Variants in DMTN observed in about 807,000 individuals in gnomAD.
DMTN encodes the protein dematin.
In DMTN, 27 loss-of-function variants were observed where a neutral mutation model predicts 59.4. The observed-to-expected ratio is 0.45, with a 90% CI of 0.33 to 0.63. DMTN has a LOEUF of 0.63. DMTN is among the 20% of genes least tolerant of loss of function. The pLI is 0.02. For missense variants in DMTN, 451 were observed against 528.9 expected (o/e 0.85, Z 1.45); for synonymous variants, 221 against 203.7 (o/e 1.08, Z -0.72).
chr8:22,080,700 G>C, intron 13 of DMTN, 75 bp downstream of exon 13: 2 of 1,582,574 alleles, frequency 1.3e-6, no homozygotes, highest in Non-Finnish European at 1.7e-6. Flanking sequence ...CAGGGGAAGG[G>C]GGGTGTGGGG....
rs775039479 is a variant in DMTN at position 22,058,564 on chromosome 8, G to A, written c.-172+1428G>A. ...GCTGCACAGATGCGTCTCTGGGTGG[G>A]CTAGAGAGGCAGGAGGGGGCACCTG... On this transcript the variant is annotated intron_variant, in intron 1 of 15. Transcript: ENST00000358242. The surrounding 1 kb of genome is among the most constrained non-coding windows in gnomAD (Gnocchi z 4.3). 6.6e-6 allele frequency among the ~76,000 whole-genome samples: 1 copy of A among 152,216 alleles called. No homozygotes were observed. The highest frequency in any genetic ancestry group is 1.5e-5 in the Non-Finnish European group (1 of 68,020).
chr8:22,055,938 G>A (rs575453877), upstream of DMTN, among the ~76,000 whole-genome samples: 4 of 152,328 alleles, frequency 2.6e-5, no homozygotes, highest in Admixed American at 1.3e-4. Flanking sequence ...CCAGGGCAAC[G>A]GTGAGGGCTG....
chr8:22,051,635 G>C (rs538928369), upstream of DMTN, among the ~76,000 whole-genome samples: 79 of 152,192 alleles, frequency 5.2e-4, no homozygotes, highest in African/African-American at 1.9e-3. Context: ...CTCCCGCTCT[G>C]CTCTCTGTCT....
Position 22,081,094 on chromosome 8 carries a change from C to CGCGGG in DMTN, c.1024-19_1024-18insGCGGG. The CGCGGG allele has an allele frequency of 1.7e-6, 1 of 599,806 alleles. No individual in the cohort carries two copies. The highest frequency in any genetic ancestry group is 3.1e-6 in the Non-Finnish European group (1 of 323,074). The allele number at this position is 599,806 out of a possible 1,614,324, so 37.2% of individuals were successfully genotyped here. A position where few individuals can be genotyped will look rare whatever the true frequency, so the allele number is the denominator to read the frequency against. On this transcript the variant is annotated intron_variant, in intron 14 of 15. Transcript: ENST00000358242. ...AGGATATTCTGTGAGCCTAAGATTG[C>CGCGGG]CCCTCCCCCCACCCCCAGATCTATC...
chr8:22,064,013 C>G (rs1291994660), intron 1 of DMTN, among the ~76,000 whole-genome samples: 3 of 152,112 alleles, frequency 2.0e-5, no homozygotes, highest in Non-Finnish European at 4.4e-5. Context: ...TAAAACAATA[C>G]ATGACTAAGT....
chr8:22,050,921 G>A (rs1247082223), upstream of DMTN, among the ~76,000 whole-genome samples: 1 of 152,154 alleles, frequency 6.6e-6, no homozygotes, highest in East Asian at 1.9e-4. Context: ...CTGAACTGGT[G>A]GTGACTTCGA....
At chr8:22,069,354 G>C (rs2131016872) in intron 5 of DMTN, 65 bp from the exon 6 acceptor site, 1 of 1,377,268 alleles carries the variant, frequency 7.3e-7, no homozygotes, top group East Asian at 2.4e-5. Context: ...GGTGTGAGCT[G>C]ATGGGGTGCA....
At chr8:22,050,163 A>G (rs551206516), upstream of DMTN, among the ~76,000 whole-genome samples, 2 of 152,218 alleles carry the variant, frequency 1.3e-5, no homozygotes, top group South Asian at 4.1e-4. Flanking sequence ...GTTTTCTGGG[A>G]TGTGTGTCGG....
chr8:22,068,957 T>C (rs1812950423), intron 4 of DMTN, 59 bp from the exon 5 acceptor site: 1 of 1,586,820 alleles, frequency 6.3e-7, no homozygotes, highest in Non-Finnish European at 8.6e-7. Context: ...TCTCTGGAAT[T>C]CTAGGGAAGA....
At chr8:22,048,947 G>C (rs1303137929), upstream of DMTN, 1 of 146,268 alleles carries the variant, frequency 6.8e-6, no homozygotes, top group Non-Finnish European at 1.5e-5. The surrounding 1 kb of genome is among the most constrained non-coding windows in gnomAD (Gnocchi z 6.9). Context: ...CCGCGGGCTC[G>C]GCCCCGCGGG....
rs76626050 is a variant in DMTN at position 22,065,827 on chromosome 8, C to CTTTTTTTTT, written c.-171-858_-171-850dup. Among the ~76,000 whole-genome samples, 618 of 74,588 alleles carry CTTTTTTTTT rather than the reference C, an allele frequency of 8.3e-3. 14 individuals carry two copies. Among genetic ancestry groups the CTTTTTTTTT allele is most frequent in the Non-Finnish European group, 0.011 (475 of 41,334 alleles). 48.9% of individuals were successfully genotyped at this position (74,588 alleles called of 152,430 possible). ...TCCGGCCTGGGCGACAGAGCAAGACCTTTTTTTTTTTTTTTTTTTTTTTTT... is the reference window on the plus strand; with the variant it reads ...TCCGGCCTGGGCGACAGAGCAAGACCTTTTTTTTTTTTTTTTTTTTTTTTTTTTTTTTTT... On this transcript the variant is annotated intron_variant, in intron 1 of 15. Transcript: ENST00000358242.
chr8:22,070,475 C>T, intron 8 of DMTN, 141 bp downstream of exon 8: 1 of 1,048,442 alleles, frequency 9.5e-7, no homozygotes, highest in South Asian at 2.2e-5. Flanking sequence ...TTCAGGAGCC[C>T]CCAGGCTCCT....
Position 22,080,603 on chromosome 8 carries a change from C to G in DMTN, c.950-15C>G, listed in dbSNP as rs372080381. Reference sequence around the variant, plus strand: ...CTCAGAGCTGCATCTGACCCATGCCCCTTCTCTCCCGCAGGCCTGCAGGTG... The same window carrying G: ...CTCAGAGCTGCATCTGACCCATGCCGCTTCTCTCCCGCAGGCCTGCAGGTG... On this transcript the variant is annotated splice_polypyrimidine_tract_variant and intron_variant, in intron 12 of 15. Transcript: ENST00000358242. The G allele has an allele frequency of 7.5e-6, 12 of 1,609,502 alleles. No homozygotes were observed. The highest frequency in any genetic ancestry group is 1.3e-5 in the African/African-American group (1 of 74,854).
chr8:22,069,654 C>CCTGGGGGT, intron 6 of DMTN, 136 bp downstream of exon 6: 1 of 896,242 alleles, frequency 1.1e-6, no homozygotes, highest in Non-Finnish European at 1.7e-6. Flanking sequence ...AGGCCAGGAC[C>CCTGGGGGT]CCTCCCAGAG....
chr8:22,064,351 C>G (rs10100051), intron 1 of DMTN, among the ~76,000 whole-genome samples: 1,848 of 152,316 alleles, frequency 0.012, 37 homozygotes, highest in African/African-American at 0.042. Context: ...TTCTTCTTTT[C>G]GCTTAATTAA....
chr8:22,080,394 C>A lies in DMTN; in HGVS notation c.901-18C>A, dbSNP rs1033351178. The A allele has an allele frequency of 6.2e-7, 1 of 1,614,174 alleles. No individual in the cohort carries two copies. Among genetic ancestry groups the A allele is most frequent in the Non-Finnish European group, 8.5e-7 (1 of 1,180,016 alleles). ...TGAATATCCCCGACTGCCTCTGATT[C>A]CTTTGTGTCCTTTCTAGCTACAGTC... On this transcript the variant is annotated intron_variant, in intron 11 of 15. Transcript: ENST00000358242.
chr8:22,068,723 G>GA (rs1812769096), intron 4 of DMTN, among the ~76,000 whole-genome samples: 1 of 151,406 alleles, frequency 6.6e-6, no homozygotes, highest in Non-Finnish European at 1.5e-5. Flanking sequence ...GATGAGAGCG[G>GA]GAGAGAGGAG....
chr8:22,077,210 G>C (rs902743911), intron 10 of DMTN, among the ~76,000 whole-genome samples: 1 of 152,090 alleles, frequency 6.6e-6, no homozygotes, highest in Non-Finnish European at 1.5e-5. Context: ...GGTGGGAGGT[G>C]GGGGAGGTAG....
chr8:22,080,704 T>A (rs1304735765), intron 13 of DMTN, 79 bp downstream of exon 13: 1 of 1,577,678 alleles, frequency 6.3e-7, no homozygotes, highest in East Asian at 2.3e-5. Flanking sequence ...GGAAGGGGGG[T>A]GTGGGGCCAC....
Sources: allele counts gnomAD v4.1 joint callset (sites outside exome capture counted in the v4.1 genomes callset), GRCh38; gene constraint gnomAD v4.1.1; non-coding constraint Gnocchi (gnomAD v3.1); transcripts MANE v1.5; gene names NCBI Gene and HGNC (gene_info 2026-07-23, HGNC 2026-07-21).